The following C1orf21 variants were observed in gnomAD, a reference collection of about 807,000 sequenced individuals.
The protein encoded by C1orf21 is uncharacterized protein C1orf21.
C1orf21 carries 3 observed loss-of-function variants against 18.7 expected under a neutral mutation model. The ratio of observed to expected loss-of-function variants is 0.16; its 90% CI spans 0.07 to 0.42. The LOEUF (loss-of-function observed/expected upper bound fraction) is 0.42, where lower values mean the gene tolerates loss of function less well. Ranked by LOEUF, C1orf21 falls within the 10% of genes least tolerant of loss-of-function variation. The pLI, the probability that C1orf21 is intolerant of heterozygous loss-of-function variation, is 0.99. For missense variants in C1orf21, 104 were observed against 143.6 expected, an observed-to-expected ratio of 0.72 and a Z score of 1.41; for synonymous variants, 41 against 46.4, an observed-to-expected ratio of 0.88 and a Z score of 0.47.
At chr1:184,411,865 G>A (rs892548623) in intron 1 of C1orf21, among the ~76,000 whole-genome samples, 1 of 151,962 alleles carries the variant, frequency 6.6e-6, no homozygotes, top group Non-Finnish European at 1.5e-5. Context: ...ATGCTCTCCT[G>A]GTGCTAATAT....
At chr1:184,415,339 T>C (rs574287610) in intron 1 of C1orf21, among the ~76,000 whole-genome samples, 3 of 152,242 alleles carry the variant, frequency 2.0e-5, no homozygotes, top group Non-Finnish European at 2.9e-5. Flanking sequence ...GGTAAGTGTC[T>C]AGACTAGTTT....
At chr1:184,398,276 C>G (rs1295448136) in intron 1 of C1orf21, among the ~76,000 whole-genome samples, 1 of 152,264 alleles carries the variant, frequency 6.6e-6, no homozygotes. Context: ...CTATGAGGAA[C>G]CCACTACTGT....
intron 5 of C1orf21, among the ~76,000 whole-genome samples, chr1:184,615,760 A>C (rs1659811222): frequency 6.6e-6 from 1 of 152,196 alleles, no homozygotes; most frequent in Admixed American, 6.5e-5. Context: ...CCCTCCAATG[A>C]CAATTCTCTC....
At chr1:184,536,005 C>T (rs1658544710) in intron 3 of C1orf21, among the ~76,000 whole-genome samples, 1 of 151,992 alleles carries the variant, frequency 6.6e-6, no homozygotes, top group Non-Finnish European at 1.5e-5. Flanking sequence ...CTATTGTTAC[C>T]CCTGCTGAGT....
intron 1 of C1orf21, among the ~76,000 whole-genome samples, chr1:184,433,730 T>C (rs1183206088): frequency 6.6e-6 from 1 of 152,204 alleles, no homozygotes; most frequent in Non-Finnish European, 1.5e-5. Context: ...TCATATTTCA[T>C]GTGCTTAGAA....
intron 3 of C1orf21, among the ~76,000 whole-genome samples, chr1:184,512,979 A>G (rs897738010): frequency 2.0e-5 from 3 of 152,210 alleles, no homozygotes; most frequent in Non-Finnish European, 2.9e-5. Flanking sequence ...ATAGGAGAAC[A>G]AGCCCTATCG....
At chr1:184,576,530 G>T (rs1659191946) in intron 3 of C1orf21, among the ~76,000 whole-genome samples, 1 of 152,170 alleles carries the variant, frequency 6.6e-6, no homozygotes, top group Non-Finnish European at 1.5e-5. Context: ...GTCCTCATTG[G>T]CACTGCCGTG....
chr1:184,575,309 TCTAGTGA>T (rs1164398862), intron 3 of C1orf21, among the ~76,000 whole-genome samples: 2 of 152,136 alleles, frequency 1.3e-5, no homozygotes, highest in African/African-American at 4.8e-5. Flanking sequence ...TGTATAGAAA[TCTAGTGA>T]CTGGCTCCAC....
intron 3 of C1orf21, among the ~76,000 whole-genome samples, chr1:184,559,507 CTTCCTT>C (rs1558002642): frequency 8.1e-5 from 5 of 61,556 alleles, no homozygotes; most frequent in African/African-American, 3.5e-4. Context: ...TCCTTCCCCC[CTTCCTT>C]CCTTCCTTCC....
At chr1:184,436,067 G>A (rs564970177) in intron 1 of C1orf21, among the ~76,000 whole-genome samples, 1 of 152,122 alleles carries the variant, frequency 6.6e-6, no homozygotes, top group Admixed American at 6.5e-5. Flanking sequence ...AGAATGGGAC[G>A]TGTGGGAGAA....
chr1:184,493,470 G>A (rs189982408), intron 2 of C1orf21, among the ~76,000 whole-genome samples: 7 of 152,288 alleles, frequency 4.6e-5, no homozygotes, highest in Admixed American at 1.3e-4. Flanking sequence ...ACAGTCACAC[G>A]AGTACAAATC....
intron 1 of C1orf21, among the ~76,000 whole-genome samples, chr1:184,399,598 G>A (rs1330073395): frequency 1.3e-5 from 2 of 152,008 alleles, no homozygotes; most frequent in African/African-American, 4.8e-5. Flanking sequence ...CAAGCAATCT[G>A]CCCACCTTTG....
intron 1 of C1orf21, among the ~76,000 whole-genome samples, chr1:184,404,823 C>A (rs554782954): frequency 6.6e-6 from 1 of 152,154 alleles, no homozygotes; most frequent in Non-Finnish European, 1.5e-5. Flanking sequence ...CTCTCTACCC[C>A]CTCGTGATGC....
intron 3 of C1orf21, among the ~76,000 whole-genome samples, chr1:184,516,718 A>G (rs1658235647): frequency 6.6e-6 from 1 of 152,196 alleles, no homozygotes; most frequent in Non-Finnish European, 1.5e-5. Context: ...GTATGGGGGA[A>G]ACTGCCCCCA....
At chr1:184,562,552 A>G (rs1396070863) in intron 3 of C1orf21, among the ~76,000 whole-genome samples, 1 of 152,250 alleles carries the variant, frequency 6.6e-6, no homozygotes, top group African/African-American at 2.4e-5. Flanking sequence ...CATTCACCCC[A>G]TACGGGAGAA....
chr1:184,438,704 C>A (rs765220370), intron 1 of C1orf21, among the ~76,000 whole-genome samples: 1 of 152,142 alleles, frequency 6.6e-6, no homozygotes, highest in African/African-American at 2.4e-5. Flanking sequence ...AGGTTCCATG[C>A]CCCTTGAGGG....
intron 2 of C1orf21, among the ~76,000 whole-genome samples, chr1:184,505,107 C>T (rs1435911078): frequency 6.6e-6 from 1 of 151,794 alleles, no homozygotes; most frequent in East Asian, 1.9e-4. Flanking sequence ...CAGAGTATGT[C>T]TGCACTAGTC....
At chr1:184,440,388 G>A (rs1404021640) in intron 1 of C1orf21, among the ~76,000 whole-genome samples, 3 of 151,972 alleles carry the variant, frequency 2.0e-5, no homozygotes, top group African/African-American at 2.4e-5. Context: ...GACTACAGGC[G>A]CACGCCCTAC....
At chr1:184,613,310 A>G (rs894453662) in intron 5 of C1orf21, among the ~76,000 whole-genome samples, 1 of 152,236 alleles carries the variant, frequency 6.6e-6, no homozygotes, top group African/African-American at 2.4e-5. Flanking sequence ...CTGAGGTTTC[A>G]GGCATCCACT....
Sources: gnomAD v4.1 joint callset for allele counts (sites outside exome capture counted in the v4.1 genomes callset) on GRCh38, gnomAD v4.1.1 for gene constraint, MANE v1.5 for transcripts, NCBI Gene and HGNC (gene_info 2026-07-23, HGNC 2026-07-21) for gene names.